Variants in ELF1 observed in about 807,000 individuals in gnomAD.
The protein encoded by ELF1 is ETS-related transcription factor Elf-1.
ELF1 carries 24 observed loss-of-function variants against 59.9 expected under a neutral mutation model. The observed-to-expected ratio is 0.40, with a 90% CI of 0.29 to 0.56. ELF1 has a LOEUF of 0.56. Ranked by LOEUF, ELF1 falls within the 20% of genes least tolerant of loss-of-function variation. The probability of loss-of-function intolerance (pLI) is 0.44; values close to 1 mark genes in which losing one functional copy is unlikely to be tolerated. For synonymous variants in ELF1, 248 were observed against 266.2 expected (o/e 0.93, Z 0.67); for missense variants, 627 against 742.2 (o/e 0.84, Z 1.80).
intron 1 of ELF1, among the ~76,000 whole-genome samples, chr13:41,017,928 G>A (rs930801517): frequency 1.3e-5 from 2 of 152,182 alleles, no homozygotes; most frequent in Non-Finnish European, 2.9e-5. Context: ...TGGCTCAGCT[G>A]AATTGGTAAA....
chr13:40,982,714 G>A (rs1364764995), intron 1 of ELF1: 2 of 290,800 alleles, frequency 6.9e-6, no homozygotes, highest in Middle Eastern at 1.6e-3. Context: ...ACCTTTAAGA[G>A]GATTTATATA....
chr13:41,025,544 A>G (rs972609841), intron 1 of ELF1, among the ~76,000 whole-genome samples: 2 of 152,328 alleles, frequency 1.3e-5, no homozygotes, highest in African/African-American at 4.8e-5. Flanking sequence ...ACACGAATCC[A>G]ATCCAGTCTC....
At chr13:41,061,359 T>C in exon 1 of ELF1, 2 of 488,616 alleles carry the variant, frequency 4.1e-6, no homozygotes, top group Non-Finnish European at 7.4e-6. Context: ...GATCCCGTCC[T>C]TCAGCTCAGG....
chr13:40,935,354 C>T (rs957437632), intron 8 of ELF1, among the ~76,000 whole-genome samples: 1 of 152,040 alleles, frequency 6.6e-6, no homozygotes. Flanking sequence ...ATAAACCAAG[C>T]GTTAAATATT....
chr13:40,987,226 G>A (rs1380069844), intron 1 of ELF1, among the ~76,000 whole-genome samples: 1 of 149,658 alleles, frequency 6.7e-6, no homozygotes, highest in Admixed American at 6.6e-5. Flanking sequence ...GTGAGCCACA[G>A]CACCCGGCCG....
intron 1 of ELF1, among the ~76,000 whole-genome samples, chr13:41,053,294 T>C (rs537253933): frequency 1.3e-5 from 2 of 151,192 alleles, no homozygotes; most frequent in South Asian, 4.2e-4. Context: ...GCAGAGCTTG[T>C]AGTGAGCCGA....
intron 1 of ELF1, among the ~76,000 whole-genome samples, chr13:41,024,714 G>A (rs1216225811): frequency 1.3e-5 from 2 of 152,060 alleles, no homozygotes; most frequent in Non-Finnish European, 2.9e-5. Context: ...AGCATCTACT[G>A]TAGTTACTGC....
intron 1 of ELF1, among the ~76,000 whole-genome samples, chr13:41,035,292 CTCATTGGTCATTTATT>C (rs1446204431): frequency 1.3e-5 from 2 of 152,190 alleles, no homozygotes; most frequent in Non-Finnish European, 2.9e-5. Flanking sequence ...GTTTACACGC[CTCATTGGTCATTTATT>C]TCAGCATGAT....
chr13:41,018,247 C>A (rs1875533702), intron 1 of ELF1, among the ~76,000 whole-genome samples: 1 of 152,136 alleles, frequency 6.6e-6, no homozygotes. Flanking sequence ...CTTTACAGAG[C>A]ACCTAGAACT....
At chr13:40,991,728 A>G (rs1873863368) in intron 1 of ELF1, among the ~76,000 whole-genome samples, 1 of 152,098 alleles carries the variant, frequency 6.6e-6, no homozygotes. Flanking sequence ...AAATAACTTG[A>G]TATTATTTCT....
intron 1 of ELF1, among the ~76,000 whole-genome samples, chr13:41,056,858 T>C (rs1442802044): frequency 1.3e-5 from 2 of 152,110 alleles, no homozygotes; most frequent in African/African-American, 2.4e-5. Flanking sequence ...TGACCTGAGA[T>C]GTGCAGAGCT....
intron 1 of ELF1, among the ~76,000 whole-genome samples, chr13:41,030,887 A>G (rs990915241): frequency 2.0e-5 from 3 of 151,972 alleles, no homozygotes; most frequent in African/African-American, 7.3e-5. Context: ...CTGGCCAGGC[A>G]TGGTGGCTCA....
chr13:40,973,574 T>C (rs564296674), intron 2 of ELF1, among the ~76,000 whole-genome samples: 1 of 151,692 alleles, frequency 6.6e-6, no homozygotes, highest in African/African-American at 2.4e-5. Flanking sequence ...CTAAGACACA[T>C]CAAAGGTGTC....
At chr13:40,986,226 C>A (rs1234863288) in intron 1 of ELF1, among the ~76,000 whole-genome samples, 2 of 152,192 alleles carry the variant, frequency 1.3e-5, no homozygotes, top group African/African-American at 2.4e-5. Context: ...CAATCTTCTG[C>A]AGTGTGACAG....
chr13:40,943,841 C>A lies in ELF1; in HGVS notation c.613+1G>T. 1 of 1,612,684 alleles carries A rather than the reference C, an allele frequency of 6.2e-7. No individual in the cohort carries two copies. Among genetic ancestry groups the A allele is most frequent in the Non-Finnish European group, 8.5e-7 (1 of 1,179,006 alleles). ...GACCTATAAGTATTACACAGTAGTA[C>A]CCTTTCCATCTTTGTTTTTCTTCTT... is the stretch of plus-strand genomic sequence containing the variant. On this transcript the variant is annotated splice_donor_variant, in intron 6 of 8. Coordinates refer to ENST00000239882, the MANE Select transcript of ELF1 (RefSeq NM_172373.4). LOFTEE classifies it high-confidence loss of function.
intron 1 of ELF1, among the ~76,000 whole-genome samples, chr13:40,993,518 T>C (rs1873975694): frequency 1.3e-5 from 2 of 152,202 alleles, no homozygotes; most frequent in South Asian, 4.1e-4. Flanking sequence ...GGTCTCGTTG[T>C]TGCCCAGGCT....
chr13:40,993,382 A>G, intron 1 of ELF1: 1 of 916,840 alleles, frequency 1.1e-6, no homozygotes, highest in Non-Finnish European at 1.8e-6. Context: ...TGGGCAGTGC[A>G]CCGATGGGTC....
intron 1 of ELF1, among the ~76,000 whole-genome samples, chr13:41,036,714 A>T (rs555609074): frequency 5.4e-4 from 82 of 152,336 alleles, no homozygotes; most frequent in Middle Eastern, 3.4e-3. Context: ...CAAATGTCCA[A>T]CAATGATAGA....
intron 3 of ELF1, 23 bp from the exon 4 acceptor site, chr13:40,951,459 A>G: frequency 1.3e-6 from 2 of 1,598,922 alleles, no homozygotes; most frequent in Non-Finnish European, 1.7e-6. Context: ...TAAAGAGAAA[A>G]TTAAATTAAC....
Sources: allele counts gnomAD v4.1 joint callset (sites outside exome capture counted in the v4.1 genomes callset), GRCh38; gene constraint gnomAD v4.1.1; transcripts MANE v1.5; gene names NCBI Gene and HGNC (gene_info 2026-07-23, HGNC 2026-07-21).